PSMB2: variants seen among roughly 807,000 people sequenced by gnomAD.
The protein encoded by PSMB2 is proteasome 20S subunit beta 2.
PSMB2 carries 13 observed loss-of-function variants against 25.7 expected under a neutral mutation model. That is an observed-to-expected ratio of 0.51 (90% CI 0.33 to 0.80). The LOEUF (loss-of-function observed/expected upper bound fraction) is 0.80, where lower values mean the gene tolerates loss of function less well. PSMB2 is among the 30% of genes least tolerant of loss of function. The pLI is 0.02. For missense variants in PSMB2, 202 were observed against 259.0 expected (o/e 0.78, Z 1.51); for synonymous variants, 87 against 96.2 (o/e 0.90, Z 0.56).
At chr1:35,628,596 A>AAAAAAATATATATAT (rs59538661) in intron 3 of PSMB2, among the ~76,000 whole-genome samples, 10 of 25,098 alleles carry the variant, frequency 4.0e-4, no homozygotes, top group Non-Finnish European at 5.3e-4. Context: ...AAAAAAAAAA[A>AAAAAAATATATATAT]ATATATATAT....
In PSMB2 at chr1:35,641,472, G is replaced by A. The variant is rs1651394641; in HGVS notation, c.-40C>T. The A allele has an allele frequency of 1.2e-6, 2 of 1,613,348 alleles. No homozygotes were observed. Among genetic ancestry groups the A allele is most frequent in the Non-Finnish European group, 1.7e-6 (2 of 1,179,642 alleles). Reference sequence around the variant, plus strand: ...AGGGGCTGCAGGTCCGACACAGCACGAGACTCGCCCGCTTCCAGGTCTCAC... The same window carrying A: ...AGGGGCTGCAGGTCCGACACAGCACAAGACTCGCCCGCTTCCAGGTCTCAC... On this transcript the variant is annotated 5_prime_UTR_variant, in exon 1 of 6. Transcript: ENST00000373237.
At chr1:35,610,310 C>T (rs1027116107) in intron 3 of PSMB2, among the ~76,000 whole-genome samples, 5 of 151,926 alleles carry the variant, frequency 3.3e-5, no homozygotes, top group Admixed American at 6.6e-5. Flanking sequence ...CATGATGGCG[C>T]GCACCTGTGG....
At chr1:35,638,889 G>A (rs1273069383) in intron 1 of PSMB2, among the ~76,000 whole-genome samples, 1 of 152,214 alleles carries the variant, frequency 6.6e-6, no homozygotes, top group Non-Finnish European at 1.5e-5. Context: ...AGGAGTCCCA[G>A]AAGGTTACTA....
At chr1:35,612,648 T>A (rs1236172892) in intron 3 of PSMB2, among the ~76,000 whole-genome samples, 1 of 152,220 alleles carries the variant, frequency 6.6e-6, no homozygotes, top group Non-Finnish European at 1.5e-5. Context: ...GAAACTGGTA[T>A]CCCTCCCCAA....
At chr1:35,625,444 T>A (rs1650826010) in intron 3 of PSMB2, among the ~76,000 whole-genome samples, 1 of 152,084 alleles carries the variant, frequency 6.6e-6, no homozygotes, top group Non-Finnish European at 1.5e-5. Context: ...ATGGGCTACA[T>A]CAAATATGCC....
At chr1:35,612,993 T>G (rs1007978333) in intron 3 of PSMB2, among the ~76,000 whole-genome samples, 3 of 152,228 alleles carry the variant, frequency 2.0e-5, no homozygotes, top group Admixed American at 1.3e-4. Flanking sequence ...ATCACTTAAT[T>G]GGTCTATATA....
intron 2 of PSMB2, among the ~76,000 whole-genome samples, chr1:35,633,314 C>T (rs147433331): frequency 7.8e-4 from 118 of 151,994 alleles, no homozygotes; most frequent in Middle Eastern, 3.4e-3. Flanking sequence ...GAAGATCTGA[C>T]CATTATCCTA....
At chr1:35,618,737 G>T (rs1230005523) in intron 3 of PSMB2, among the ~76,000 whole-genome samples, 1 of 152,192 alleles carries the variant, frequency 6.6e-6, no homozygotes, top group African/African-American at 2.4e-5. Context: ...GAGTGGAGAA[G>T]GTATGGAATT....
intron 3 of PSMB2, among the ~76,000 whole-genome samples, chr1:35,627,497 A>G (rs566720260): frequency 1.3e-5 from 2 of 152,106 alleles, no homozygotes; most frequent in Admixed American, 1.3e-4. Flanking sequence ...TCTACAAAAA[A>G]TTAGCCAGGC....
chr1:35,623,989 T>C (rs552384120), intron 3 of PSMB2, among the ~76,000 whole-genome samples: 44 of 152,260 alleles, frequency 2.9e-4, no homozygotes, highest in African/African-American at 1.0e-3. Context: ...ATTCTCATGG[T>C]CAGAATAGAA....
At chr1:35,626,525 T>C (rs549632805) in intron 3 of PSMB2, among the ~76,000 whole-genome samples, 1 of 152,322 alleles carries the variant, frequency 6.6e-6, no homozygotes, top group Admixed American at 6.5e-5. Flanking sequence ...AATTTCGACA[T>C]TTTAACAAAA....
In PSMB2 at chr1:35,611,898, T is replaced by G. The variant is rs1474984178; in HGVS notation, c.286-2490A>C. On this transcript the variant is annotated intron_variant, in intron 3 of 5. Transcript: ENST00000373237. ...GTTGCCCAGGCTGGCCTTCAACTTC[T>G]AGGCTCAAGTAATCCTTCCACCTTG... 3.3e-5 allele frequency among the ~76,000 whole-genome samples: 5 copies of G among 151,942 alleles called. No homozygotes were observed. In the East Asian group the frequency reaches 9.7e-4, roughly 29 times the overall value.
chr1:35,606,981 G>A (rs1480845173), intron 4 of PSMB2, among the ~76,000 whole-genome samples: 1 of 152,090 alleles, frequency 6.6e-6, no homozygotes, highest in African/African-American at 2.4e-5. Context: ...AATGGTGCTA[G>A]AAAAACTGGA....
Position 35,600,555 on chromosome 1 carries a change from G to A in PSMB2, c.*2712C>T, listed in dbSNP as rs569416158. ...CTGGGTTTCTGACTTGGGCACTTGG[G>A]AAACCAGGTAGCTCTAATTCTCTAA... On this transcript the variant is annotated 3_prime_UTR_variant, in exon 6 of 6. Transcript: ENST00000373237. 3.0e-6 allele frequency: 3 copies of A among 985,398 alleles called. No individual in the cohort carries two copies. In the East Asian group the frequency reaches 3.4e-4, roughly 112 times the overall value. 61.0% of individuals were successfully genotyped at this position (985,398 alleles called of 1,614,324 possible).
chr1:35,601,339 G>C lies in PSMB2; in HGVS notation c.*1928C>G. The C allele has an allele frequency of 3.1e-6, 3 of 979,674 alleles. No homozygotes were observed. The highest frequency in any genetic ancestry group is 3.6e-6 in the Non-Finnish European group (3 of 824,804). The allele number at this position is 979,674 out of a possible 1,614,324, so 60.7% of individuals were successfully genotyped here. A position where few individuals can be genotyped will look rare whatever the true frequency, so the allele number is the denominator to read the frequency against. On this transcript the variant is annotated 3_prime_UTR_variant, in exon 6 of 6. Coordinates refer to ENST00000373237, the MANE Select transcript of PSMB2 (RefSeq NM_002794.5). ...GCCCGCCTCGGCGGGCGGCCAAAGT[G>C]CTGGGATTACAGGCATGAGCCACCG...
At chr1:35,638,311 C>T (rs1161072385) in intron 1 of PSMB2, among the ~76,000 whole-genome samples, 2 of 151,868 alleles carry the variant, frequency 1.3e-5, no homozygotes, top group African/African-American at 4.8e-5. Context: ...TGATTCTTGA[C>T]GAGGAACTTA....
chr1:35,624,554 A>T (rs1650792015), intron 3 of PSMB2, among the ~76,000 whole-genome samples: 1 of 151,846 alleles, frequency 6.6e-6, no homozygotes, highest in African/African-American at 2.4e-5. Context: ...GGAGTTGGAG[A>T]CCAGCCTGGC....
Position 35,600,054 on chromosome 1 carries a change from T to C in PSMB2, c.*3213A>G. On this transcript the variant is annotated 3_prime_UTR_variant, in exon 6 of 6. Transcript: ENST00000373237. ...GGGAGGCTGGGGTAAGAGGTTCACT[T>C]GAGCCCAGGAGTTCAAGTGAACTTA... 2.9e-6 allele frequency: 2 copies of C among 682,208 alleles called. No individual in the cohort carries two copies. The highest frequency in any genetic ancestry group is 3.6e-6 in the Non-Finnish European group (2 of 553,344). 42.3% of individuals were successfully genotyped at this position (682,208 alleles called of 1,614,324 possible).
At chr1:35,631,693 C>G (rs1414257268) in intron 2 of PSMB2, among the ~76,000 whole-genome samples, 2 of 152,082 alleles carry the variant, frequency 1.3e-5, no homozygotes, top group Non-Finnish European at 2.9e-5. Context: ...AGAAAGGCGT[C>G]TTAGATGCCA....
Sources: gnomAD v4.1 joint callset for allele counts (sites outside exome capture counted in the v4.1 genomes callset) on GRCh38, gnomAD v4.1.1 for gene constraint, MANE v1.5 for transcripts, NCBI Gene and HGNC (gene_info 2026-07-23, HGNC 2026-07-21) for gene names.